TENM3: variants seen among roughly 807,000 people sequenced by gnomAD.
TENM3 encodes the protein teneurin transmembrane protein 3.
A neutral mutation model predicts 255.1 loss-of-function variants in TENM3; 63 were observed. The observed-to-expected ratio is 0.25, with a 90% confidence interval of 0.20 to 0.30. The LOEUF (loss-of-function observed/expected upper bound fraction) is 0.30. TENM3 is among the 10% of genes least tolerant of loss of function. The pLI, the probability that TENM3 is intolerant of heterozygous loss-of-function variation, is 1.00. For synonymous variants in TENM3, 1,306 were observed against 1,322.3 expected (o/e 0.99, Z 0.27); for missense variants, 2,929 against 3,461.1 (o/e 0.85, Z 3.86).
At chr4:182,410,403 G>A (rs1223454210) in intron 3 of TENM3, among the ~76,000 whole-genome samples, 4 of 152,360 alleles carry the variant, frequency 2.6e-5, no homozygotes, top group South Asian at 2.1e-4. Context: ...GGCCCACGCA[G>A]AGCAGGGCAG....
the TENM3 span, among the ~76,000 whole-genome samples, chr4:182,098,963 CTTT>C: frequency 7.6e-6 from 1 of 131,222 alleles, no homozygotes. Flanking sequence ...CTCTTTTTTT[CTTT>C]TTTTTTTTTT....
rs371087410 is a variant in TENM3, at chr4:182,754,763, G to A, written c.4396G>A (p.Ala1466Thr). The part of the protein sequence containing the change: ...CDCYQSGDGY[A>T]KDAKLSAPSS... ...CTGTTACCAGAGTGGAGATGGCTAC[G>A]CCAAGGATGCCAAACTCAGTGCCCC... is the stretch of plus-strand genomic sequence containing the variant. Residue 1466 changes from alanine to threonine, a missense_variant, in exon 22 of 28, where the codon GCC becomes ACC. Ala to Thr is a moderately conservative substitution (Grantham distance 58). Transcript: ENST00000511685. The surrounding 1 kb of genome is among the most constrained non-coding windows in gnomAD (Gnocchi z 5.1). The A allele has an allele frequency of 1.2e-6, 2 of 1,614,024 alleles. No homozygotes were observed. The highest frequency in any genetic ancestry group is 1.7e-6 in the Non-Finnish European group (2 of 1,179,898).
the TENM3 span, among the ~76,000 whole-genome samples, chr4:181,827,259 G>T: frequency 6.6e-6 from 1 of 152,118 alleles, no homozygotes; most frequent in Non-Finnish European, 1.5e-5. Context: ...TTTAAGATCC[G>T]TATTGGTGAT....
chr4:181,751,050 A>T, the TENM3 span, among the ~76,000 whole-genome samples: 1 of 152,178 alleles, frequency 6.6e-6, no homozygotes, highest in Non-Finnish European at 1.5e-5. Context: ...CTGCTTGTTC[A>T]AACTGGCCAC....
At chr4:182,546,829 G>T (rs1741497572) in intron 3 of TENM3, among the ~76,000 whole-genome samples, 1 of 152,094 alleles carries the variant, frequency 6.6e-6, no homozygotes, top group Non-Finnish European at 1.5e-5. Flanking sequence ...TTTTGAAAAG[G>T]TTCTATATAT....
intron 1 of TENM3, among the ~76,000 whole-genome samples, chr4:182,271,849 A>C (rs2150221250): frequency 6.6e-6 from 1 of 152,364 alleles, no homozygotes. Context: ...CTAAAAGTCT[A>C]ATCTCAGCTC....
At chr4:182,597,608 A>G (rs1196455463) in intron 3 of TENM3, among the ~76,000 whole-genome samples, 3 of 152,316 alleles carry the variant, frequency 2.0e-5, no homozygotes, top group Admixed American at 1.3e-4. Flanking sequence ...TTAAAAATGT[A>G]TAGTACTATA....
intron 1 of TENM3, among the ~76,000 whole-genome samples, chr4:182,151,364 T>A (rs1201072635): frequency 6.6e-6 from 1 of 152,080 alleles, no homozygotes; most frequent in Non-Finnish European, 1.5e-5. Context: ...GTAAACTAAT[T>A]GTTTATTTTC....
intron 1 of TENM3, among the ~76,000 whole-genome samples, chr4:182,196,908 C>G (rs550494800): frequency 1.3e-5 from 2 of 152,126 alleles, no homozygotes; most frequent in South Asian, 2.1e-4. Context: ...TCCTTTCTCT[C>G]GTCCTCAAAT....
chr4:181,903,468 A>C, the TENM3 span, among the ~76,000 whole-genome samples: 3 of 152,164 alleles, frequency 2.0e-5, no homozygotes, highest in Admixed American at 6.6e-5. Flanking sequence ...GGCTAGAGAT[A>C]GGAGTGACTG....
chr4:181,704,926 G>A, the TENM3 span, among the ~76,000 whole-genome samples: 8 of 152,026 alleles, frequency 5.3e-5, no homozygotes, highest in East Asian at 1.9e-4. Flanking sequence ...CTATTCGGGA[G>A]GCTGAGGCAG....
chr4:182,428,643 T>A (rs1771404585), intron 3 of TENM3, among the ~76,000 whole-genome samples: 1 of 152,040 alleles, frequency 6.6e-6, no homozygotes, highest in Non-Finnish European at 1.5e-5. Flanking sequence ...AAAGTGGCCT[T>A]TGGAAGGCCT....
the TENM3 span, among the ~76,000 whole-genome samples, chr4:181,699,577 A>G: frequency 6.6e-6 from 1 of 152,022 alleles, no homozygotes; most frequent in Non-Finnish European, 1.5e-5. Context: ...TTTGAGATAC[A>G]TACAAAATAT....
the TENM3 span, among the ~76,000 whole-genome samples, chr4:181,609,271 T>G: frequency 6.6e-6 from 1 of 152,300 alleles, no homozygotes; most frequent in Non-Finnish European, 1.5e-5. Flanking sequence ...TTTTGACTTC[T>G]TTTTTCCATA....
chr4:182,101,182 A>G, the TENM3 span, among the ~76,000 whole-genome samples: 150 of 30,046 alleles, frequency 5.0e-3, 51 homozygotes, highest in East Asian at 0.023. Context: ...GAGGAAGGAA[A>G]GAAGGGAGGG....
At chr4:182,105,858 G>A in the TENM3 span, among the ~76,000 whole-genome samples, 1 of 152,218 alleles carries the variant, frequency 6.6e-6, no homozygotes, top group East Asian at 1.9e-4. Context: ...ATGGGATGAT[G>A]AGGAATTACT....
chr4:182,227,117 A>T (rs1051640481), intron 1 of TENM3, among the ~76,000 whole-genome samples: 1 of 152,178 alleles, frequency 6.6e-6, no homozygotes, highest in African/African-American at 2.4e-5. Context: ...CTCAAGCAGT[A>T]GACACTCCTT....
chr4:181,906,045 C>T, the TENM3 span: 2 of 423,914 alleles, frequency 4.7e-6, no homozygotes, highest in Non-Finnish European at 9.2e-6. Flanking sequence ...TCTGTTCTCT[C>T]TCAACATCAG....
At chr4:181,855,220 C>T in the TENM3 span, among the ~76,000 whole-genome samples, 2 of 152,108 alleles carry the variant, frequency 1.3e-5, no homozygotes, top group South Asian at 4.1e-4. Context: ...TGTAAGCTTT[C>T]TTTGTGTTTT....
Sources: allele counts gnomAD v4.1 joint callset (sites outside exome capture counted in the v4.1 genomes callset), GRCh38; gene constraint gnomAD v4.1.1; non-coding constraint Gnocchi (gnomAD v3.1); transcripts MANE v1.5; gene names NCBI Gene and HGNC (gene_info 2026-07-23, HGNC 2026-07-21).